Variants in ZNF536 observed in about 807,000 individuals in gnomAD.
The protein encoded by ZNF536 is zinc finger protein 536.
A neutral mutation model predicts 84.5 loss-of-function variants in ZNF536; 13 were observed. The observed-to-expected ratio is 0.15, with a 90% confidence interval of 0.10 to 0.24. The LOEUF is 0.24. Ranked by LOEUF, ZNF536 falls within the 10% of genes least tolerant of loss-of-function variation. The pLI is 1.00. For synonymous variants in ZNF536, 811 were observed against 742.5 expected, an observed-to-expected ratio of 1.09 and a Z score of -1.50; for missense variants, 1,536 against 1,747.5, an observed-to-expected ratio of 0.88 and a Z score of 2.16.
At chr19:30,469,076 C>G (rs1007976051) in intron 2 of ZNF536, among the ~76,000 whole-genome samples, 1 of 152,082 alleles carries the variant, frequency 6.6e-6, no homozygotes, top group African/African-American at 2.4e-5. Context: ...ATGTCCCCTG[C>G]AACATGGTGC....
intron 2 of ZNF536, among the ~76,000 whole-genome samples, chr19:30,301,038 AG>A (rs901315835): frequency 2.0e-5 from 3 of 152,158 alleles, no homozygotes; most frequent in Non-Finnish European, 2.9e-5. Flanking sequence ...CTGGATCATC[AG>A]GGGGTTGCCC....
At chr19:30,285,372 T>A (rs190004789) in intron 2 of ZNF536, among the ~76,000 whole-genome samples, 291 of 152,306 alleles carry the variant, frequency 1.9e-3, no homozygotes, top group Non-Finnish European at 2.8e-3. Flanking sequence ...AGGAGAAAGG[T>A]CCAACCATCC....
In ZNF536 at chr19:30,572,718, A is replaced by G. The variant is rs1321943924; in HGVS notation, c.169+23204A>G. 2.0e-5 allele frequency among the ~76,000 whole-genome samples: 3 copies of G among 152,170 alleles called. No homozygotes were observed. The East Asian group carries it at 5.8e-4, about 29-fold the overall frequency. ...AAACAAACAAACAAATAAGTTCGGC[A>G]TAGGATGAGTGATATGAAGATGCTG... On this transcript the variant is annotated intron_variant, in intron 1 of 1. Coordinates refer to the ZNF536 transcript ENST00000592773.
chr19:30,236,916 A>G (rs964444237), intron 1 of ZNF536, among the ~76,000 whole-genome samples: 14 of 152,282 alleles, frequency 9.2e-5, no homozygotes, highest in Middle Eastern at 3.4e-3. Context: ...ATATTAGAGT[A>G]TGTGCCATCT....
At chr19:30,455,270 T>C (rs925512730) in intron 2 of ZNF536, among the ~76,000 whole-genome samples, 3 of 151,526 alleles carry the variant, frequency 2.0e-5, no homozygotes, top group African/African-American at 7.3e-5. Context: ...CTGTGAACAC[T>C]TTTTTTTTCA....
chr19:30,634,803 T>A (rs1346438175), intron 1 of ZNF536, among the ~76,000 whole-genome samples: 1 of 151,964 alleles, frequency 6.6e-6, no homozygotes, highest in Non-Finnish European at 1.5e-5. Flanking sequence ...TGGCTGCATC[T>A]CCAGACCCCC....
At chr19:30,648,218 G>C (rs2049550895) in intron 1 of ZNF536, among the ~76,000 whole-genome samples, 1 of 152,174 alleles carries the variant, frequency 6.6e-6, no homozygotes, top group African/African-American at 2.4e-5. Context: ...GCCCTGTCAA[G>C]GGGCTGGGCC....
intron 2 of ZNF536, among the ~76,000 whole-genome samples, chr19:30,457,613 A>G (rs962152239): frequency 6.6e-6 from 1 of 152,234 alleles, no homozygotes; most frequent in Non-Finnish European, 1.5e-5. Flanking sequence ...AGTGAGAGGC[A>G]GGCTCCTGGC....
At chr19:30,638,639 A>G (rs2049157575) in intron 1 of ZNF536, among the ~76,000 whole-genome samples, 1 of 152,200 alleles carries the variant, frequency 6.6e-6, no homozygotes, top group Non-Finnish European at 1.5e-5. Context: ...CCCCACCTCC[A>G]ACATTTTACA....
At chr19:30,563,782 G>A (rs73026782) in intron 1 of ZNF536, among the ~76,000 whole-genome samples, 40,200 of 152,074 alleles carry the variant, frequency 0.26, 5,706 homozygotes, top group East Asian at 0.42. Context: ...GACACAGGAG[G>A]GAGAGGTGCT....
At chr19:30,550,748 G>C (rs1208224446) in intron 4 of ZNF536, among the ~76,000 whole-genome samples, 1 of 152,148 alleles carries the variant, frequency 6.6e-6, no homozygotes, top group Non-Finnish European at 1.5e-5. Flanking sequence ...AATTTAGATT[G>C]ATATATTTCT....
chr19:30,503,999 G>A (rs1460570870), intron 2 of ZNF536, among the ~76,000 whole-genome samples: 2 of 151,708 alleles, frequency 1.3e-5, no homozygotes, highest in African/African-American at 2.4e-5. Flanking sequence ...AGAAACTCCA[G>A]TTGGGAAGTG....
intron 2 of ZNF536, among the ~76,000 whole-genome samples, chr19:30,522,331 TTAC>T (rs1366823949): frequency 1.9e-5 from 2 of 107,198 alleles, no homozygotes; most frequent in African/African-American, 6.8e-5. Context: ...GAAGTATTTA[TTAC>T]TACAAGATAT....
intron 1 of ZNF536, among the ~76,000 whole-genome samples, chr19:30,646,678 C>G (rs892096): frequency 1.1e-4 from 16 of 152,142 alleles, no homozygotes; most frequent in Non-Finnish European, 1.9e-4. Context: ...GGCTCTGCCC[C>G]CCTTTTGGTC....
chr19:30,291,708 G>T (rs1041716640), intron 2 of ZNF536, among the ~76,000 whole-genome samples: 3 of 152,160 alleles, frequency 2.0e-5, no homozygotes, highest in Admixed American at 1.3e-4. Context: ...CCAGCAGCGT[G>T]CCAGGCCTCC....
intron 1 of ZNF536, among the ~76,000 whole-genome samples, chr19:30,380,461 G>A (rs1278052202): frequency 6.6e-6 from 1 of 152,200 alleles, no homozygotes; most frequent in Non-Finnish European, 1.5e-5. Flanking sequence ...TCGGCCCTGA[G>A]ACACTGTGAG....
intron 2 of ZNF536, among the ~76,000 whole-genome samples, chr19:30,351,137 A>C (rs1007905646): frequency 5.3e-5 from 8 of 152,232 alleles, no homozygotes; most frequent in Non-Finnish European, 1.0e-4. Flanking sequence ...TGCCAAGAAA[A>C]AGAATAAAAC....
chr19:30,285,018 A>T (rs540901359), intron 2 of ZNF536, among the ~76,000 whole-genome samples: 22 of 152,252 alleles, frequency 1.4e-4, no homozygotes, highest in African/African-American at 5.3e-4. Context: ...CTTAGTAAAA[A>T]TCCTTTTATC....
intron 4 of ZNF536, chr19:30,555,524 C>A (rs2045932826): frequency 6.6e-6 from 1 of 152,148 alleles, no homozygotes; most frequent in African/African-American, 2.4e-5. Context: ...CCTCCCATCC[C>A]AATGGTTACA....
Sources: gnomAD v4.1 joint callset for allele counts (sites outside exome capture counted in the v4.1 genomes callset) on GRCh38, gnomAD v4.1.1 for gene constraint, MANE v1.5 for transcripts, NCBI Gene and HGNC (gene_info 2026-07-23, HGNC 2026-07-21) for gene names.